The following CTNND2 variants were observed in gnomAD, a reference collection of about 807,000 sequenced individuals.
CTNND2 encodes the protein catenin delta-2.
A neutral mutation model predicts 144.4 loss-of-function variants in CTNND2; 22 were observed. The observed-to-expected ratio is 0.15, with a 90% confidence interval of 0.11 to 0.22. CTNND2 has a LOEUF of 0.22. Ranked by LOEUF, CTNND2 falls within the 10% of genes least tolerant of loss-of-function variation. The pLI is 1.00. For synonymous variants in CTNND2, 751 were observed against 695.6 expected, an observed-to-expected ratio of 1.08 and a Z score of -1.25; for missense variants, 1,353 against 1,618.8, an observed-to-expected ratio of 0.84 and a Z score of 2.82.
chr5:11,429,346 TA>T (rs1763059442), intron 3 of CTNND2, among the ~76,000 whole-genome samples: 1 of 152,218 alleles, frequency 6.6e-6, no homozygotes, highest in African/African-American at 2.4e-5. Flanking sequence ...TAGTGGCTTC[TA>T]ATTGGGGACA....
intron 3 of CTNND2, among the ~76,000 whole-genome samples, chr5:11,498,120 A>G (rs1770159026): frequency 6.6e-6 from 1 of 152,192 alleles, no homozygotes; most frequent in South Asian, 2.1e-4. Flanking sequence ...GAGTGTGCAA[A>G]TAAGTGCCTG....
chr5:11,368,041 A>C (rs2149777172), intron 7 of CTNND2, among the ~76,000 whole-genome samples: 1 of 152,256 alleles, frequency 6.6e-6, no homozygotes, highest in African/African-American at 2.4e-5. Context: ...GGCACTGGCA[A>C]TTTTTCATAT....
At chr5:11,894,854 C>A (rs1737270406) in intron 1 of CTNND2, among the ~76,000 whole-genome samples, 1 of 152,182 alleles carries the variant, frequency 6.6e-6, no homozygotes, top group Admixed American at 6.5e-5. Flanking sequence ...CCAAAGCAAG[C>A]AAAGAAACCT....
Position 11,721,402 on chromosome 5 carries a change from A to G in CTNND2, c.174+10734T>C, listed in dbSNP as rs182620903. Reference sequence around the variant, plus strand: ...TTTTTTTAAATTCACCCCAGGCTACATAGAATCGTAAGACTTAGAAGTAGA... The same window carrying G: ...TTTTTTTAAATTCACCCCAGGCTACGTAGAATCGTAAGACTTAGAAGTAGA... On this transcript the variant is annotated intron_variant, in intron 2 of 21. Coordinates refer to ENST00000304623, the MANE Select transcript of CTNND2 (RefSeq NM_001332.4). Among the ~76,000 whole-genome samples the G allele has an allele frequency of 2.0e-3, 311 of 152,276 alleles. 3 individuals carry two copies. The highest frequency in any genetic ancestry group is 7.2e-3 in the African/African-American group (300 of 41,558).
At chr5:11,405,822 C>A (rs1025605042) in intron 5 of CTNND2, among the ~76,000 whole-genome samples, 2 of 152,094 alleles carry the variant, frequency 1.3e-5, no homozygotes, top group African/African-American at 4.8e-5. Flanking sequence ...GTAGCATCAG[C>A]CAACTTTAGA....
At chr5:11,117,005 G>A (rs1753613361) in intron 13 of CTNND2, among the ~76,000 whole-genome samples, 1 of 152,012 alleles carries the variant, frequency 6.6e-6, no homozygotes. Flanking sequence ...GTTGCAGTGA[G>A]CCTTCATTGC....
At chr5:11,203,297 A>G (rs1737679130) in intron 10 of CTNND2, among the ~76,000 whole-genome samples, 1 of 152,196 alleles carries the variant, frequency 6.6e-6, no homozygotes, top group African/African-American at 2.4e-5. Context: ...CAAGTTGTCT[A>G]GTTCCAATTT....
At chr5:11,511,612 A>T (rs113696113) in intron 3 of CTNND2, among the ~76,000 whole-genome samples, 2 of 152,110 alleles carry the variant, frequency 1.3e-5, no homozygotes, top group Non-Finnish European at 2.9e-5. Context: ...TCTTATCCCA[A>T]ATAATTATTA....
intron 1 of CTNND2, among the ~76,000 whole-genome samples, chr5:11,849,322 G>A (rs1309703809): frequency 6.6e-6 from 1 of 152,112 alleles, no homozygotes; most frequent in Admixed American, 6.5e-5. Flanking sequence ...CAACATGTGG[G>A]AATTATGGGA....
At chr5:11,719,737 G>C (rs1786551785) in intron 2 of CTNND2, among the ~76,000 whole-genome samples, 1 of 151,728 alleles carries the variant, frequency 6.6e-6, no homozygotes, top group South Asian at 2.1e-4. Context: ...TCTAATTTAA[G>C]TCCCTCACAG....
intron 1 of CTNND2, among the ~76,000 whole-genome samples, chr5:11,823,619 T>A (rs1159833768): frequency 2.6e-5 from 4 of 152,194 alleles, no homozygotes; most frequent in Non-Finnish European, 5.9e-5. Flanking sequence ...TATACTTTTT[T>A]ATATAATATT....
chr5:11,786,187 A>G (rs1790822099), intron 1 of CTNND2, among the ~76,000 whole-genome samples: 1 of 152,230 alleles, frequency 6.6e-6, no homozygotes, highest in South Asian at 2.1e-4. Context: ...GCCAGCTGGC[A>G]GAGGACAGGG....
At chr5:11,094,265 A>G (rs1751093575) in intron 15 of CTNND2, among the ~76,000 whole-genome samples, 1 of 152,122 alleles carries the variant, frequency 6.6e-6, no homozygotes, top group African/African-American at 2.4e-5. Context: ...TGTCTTCTAA[A>G]ATTACTAGTA....
chr5:11,216,268 C>G (rs1413305482), intron 10 of CTNND2, among the ~76,000 whole-genome samples: 1 of 152,174 alleles, frequency 6.6e-6, no homozygotes, highest in Non-Finnish European at 1.5e-5. Flanking sequence ...ATGCCTGAAA[C>G]CTGTGAATAC....
chr5:11,021,389 C>A (rs540265270), intron 17 of CTNND2, among the ~76,000 whole-genome samples: 2 of 152,044 alleles, frequency 1.3e-5, no homozygotes, highest in African/African-American at 4.8e-5. Flanking sequence ...GAAAGCATTA[C>A]CATATTAAGA....
At chr5:11,770,207 A>G (rs1789839422) in intron 1 of CTNND2, among the ~76,000 whole-genome samples, 2 of 152,092 alleles carry the variant, frequency 1.3e-5, no homozygotes, top group African/African-American at 4.8e-5. Context: ...GAGACAGAAG[A>G]AGAATGGAAA....
intron 2 of CTNND2, among the ~76,000 whole-genome samples, chr5:11,602,925 A>C (rs142792652): frequency 0.015 from 2,239 of 148,428 alleles, 60 homozygotes; most frequent in African/African-American, 0.051. Context: ...CCTGTGCCTA[A>C]AATTGATGAG....
chr5:11,221,374 G>C (rs924397309), intron 10 of CTNND2, among the ~76,000 whole-genome samples: 2 of 152,168 alleles, frequency 1.3e-5, no homozygotes, highest in Non-Finnish European at 2.9e-5. Context: ...CCACAGAGCA[G>C]GGTTATTATG....
At chr5:11,366,988 G>A (rs985280611) in intron 7 of CTNND2, among the ~76,000 whole-genome samples, 2 of 152,154 alleles carry the variant, frequency 1.3e-5, no homozygotes, top group Admixed American at 1.3e-4. Context: ...TACCTATGTG[G>A]ATATCAGTCT....
Sources: allele counts gnomAD v4.1 joint callset (sites outside exome capture counted in the v4.1 genomes callset), GRCh38; gene constraint gnomAD v4.1.1; transcripts MANE v1.5; gene names NCBI Gene and HGNC (gene_info 2026-07-23, HGNC 2026-07-21).